KIAA1586: variants seen among roughly 807,000 people sequenced by gnomAD.
KIAA1586 encodes the protein E3 SUMO-protein ligase KIAA1586.
KIAA1586 carries 5 observed loss-of-function variants against 6.1 expected under a neutral mutation model. The observed-to-expected ratio is 0.82, with a 90% CI of 0.43 to 1.73. The LOEUF (loss-of-function observed/expected upper bound fraction) is 1.73, where lower values mean the gene tolerates loss of function less well. KIAA1586 is among the 40% of genes most tolerant of loss of function. KIAA1586 has a pLI of 0.02. For missense variants in KIAA1586, 899 were observed against 878.2 expected (o/e 1.02, Z -0.30); for synonymous variants, 280 against 301.7 (o/e 0.93, Z 0.75).
At chr6:57,063,629 T>C in the KIAA1586 span, among the ~76,000 whole-genome samples, 120 of 151,998 alleles carry the variant, frequency 7.9e-4, 1 homozygote, top group African/African-American at 2.8e-3. Flanking sequence ...AATTTTTGTA[T>C]TTTTAGTTGA....
the KIAA1586 span, among the ~76,000 whole-genome samples, chr6:57,063,895 A>G: frequency 6.6e-6 from 1 of 152,174 alleles, no homozygotes; most frequent in Admixed American, 6.5e-5. Flanking sequence ...TTTTAAAAAA[A>G]ATTGCTTTTT....
At position 57,054,421 on chromosome 6, in the gene KIAA1586, A is replaced by T; in HGVS notation, c.1922A>T (p.Tyr641Phe). 6.2e-7 allele frequency: 1 copy of T among 1,609,962 alleles called. No individual in the cohort carries two copies. Among genetic ancestry groups the T allele is most frequent in the African/African-American group, 1.3e-5 (1 of 74,814 alleles). Residue 641 changes from tyrosine (Y) to phenylalanine (F), a missense_variant, in exon 4 of 4, where the codon TAT becomes TTT. Transcript: ENST00000370733. ...TTGCTGGAACCTTCCACATGGCCTT[A>T]TGAAGAAATAACTTCACCATGGATA... ...FDLLEPSTWP[Y>F]EEITSPWIAG...
At chr6:57,051,874 G>A (rs763317309) in intron 3 of KIAA1586, among the ~76,000 whole-genome samples, 3 of 152,130 alleles carry the variant, frequency 2.0e-5, no homozygotes, top group East Asian at 1.9e-4. Context: ...CTTGGGAGGC[G>A]GAGACATGAG....
chr6:57,062,626 T>C, the KIAA1586 span, among the ~76,000 whole-genome samples: 2 of 152,170 alleles, frequency 1.3e-5, no homozygotes, highest in Non-Finnish European at 2.9e-5. Flanking sequence ...AGTACACAAA[T>C]ATATCCCAGT....
chr6:57,046,870 C>G (rs1336374652), intron 1 of KIAA1586, 94 bp downstream of exon 1: 11 of 1,504,024 alleles, frequency 7.3e-6, no homozygotes, highest in Non-Finnish European at 9.9e-6. Flanking sequence ...CCGTCGCAGC[C>G]TCGGGGCGAT....
In KIAA1586 at chr6:57,053,443, G is replaced by A. The variant is rs1246346503; in HGVS notation, c.944G>A (p.Cys315Tyr). ...ATTATAGAAGAGAATGCCAAAATCT[G>A]TATCATAATTGATGAGGCATCTACA... The part of the protein sequence containing the change: ...KNIIEENAKI[C>Y]IIIDEASTVS... Residue 315 changes from cysteine (C) to tyrosine (Y), a missense_variant, in exon 4 of 4, where the codon TGT becomes TAT. Coordinates refer to ENST00000370733, the MANE Select transcript of KIAA1586 (RefSeq NM_020931.4). 14 of 1,610,742 alleles carry A rather than the reference G, an allele frequency of 8.7e-6. No individual in the cohort carries two copies. The highest frequency in any genetic ancestry group is 1.3e-5 in the African/African-American group (1 of 74,746).
chr6:57,052,772 T>C lies in KIAA1586; in HGVS notation c.273T>C (p.Asn91=), dbSNP rs780981237. 4 of 1,612,276 alleles carry C rather than the reference T, an allele frequency of 2.5e-6. No individual in the cohort carries two copies. The highest frequency in any genetic ancestry group is 3.3e-5 in the Admixed American group (2 of 59,796). ...AGGTGAAAACAGACACAGAAAATAA[T>C]GAAGTGAGCAAAAATCACTGCAGAT... is the stretch of plus-strand genomic sequence containing the variant. ...VKKVKTDTEN[N]EVSKNHCRLS... is the part of the protein sequence containing the mutation. The change falls in exon 4 of 4, where the codon AAT becomes AAC. Residue 91 remains asparagine (N), a synonymous_variant. Coordinates refer to ENST00000370733, the MANE Select transcript of KIAA1586 (RefSeq NM_020931.4).
the KIAA1586 span, among the ~76,000 whole-genome samples, chr6:57,062,042 C>T: frequency 1.3e-5 from 2 of 151,896 alleles, no homozygotes; most frequent in African/African-American, 2.4e-5. Context: ...AGAGATCCTT[C>T]CACCTCAGTC....
Position 57,053,189 on chromosome 6 carries a change from A to C in KIAA1586, c.690A>C (p.Ser230=). 6.2e-7 allele frequency: 1 copy of C among 1,606,260 alleles called. No individual in the cohort carries two copies. Among genetic ancestry groups the C allele is most frequent in the Non-Finnish European group, 8.5e-7 (1 of 1,177,218 alleles). The change falls in exon 4 of 4, where the codon TCA becomes TCC. Residue 230 remains serine (S), a synonymous_variant. Coordinates refer to ENST00000370733, the MANE Select transcript of KIAA1586 (RefSeq NM_020931.4). ...QDLLKESTND[S]ICNLVHKQNN... Reference sequence around the variant, plus strand: ...TGTTAAAGGAATCAACTAATGATTCAATTTGTAATTTAGTGCATAAACAAA... The same window carrying C: ...TGTTAAAGGAATCAACTAATGATTCCATTTGTAATTTAGTGCATAAACAAA...
chr6:57,062,834 T>A, the KIAA1586 span, among the ~76,000 whole-genome samples: 2 of 152,212 alleles, frequency 1.3e-5, no homozygotes, highest in Admixed American at 6.5e-5. Context: ...GCGGATTGCC[T>A]GAGCTCAGGA....
At chr6:57,050,946 T>C (rs989616665) in intron 3 of KIAA1586, 92 bp downstream of exon 3, 5 of 961,910 alleles carry the variant, frequency 5.2e-6, no homozygotes, top group Non-Finnish European at 8.3e-6. Context: ...GAACTAATTG[T>C]TGGCCAGGCA....
chr6:57,057,059 T>G (rs565320955), downstream of KIAA1586, among the ~76,000 whole-genome samples: 1 of 151,820 alleles, frequency 6.6e-6, no homozygotes, highest in African/African-American at 2.4e-5. Flanking sequence ...AAACCCCATC[T>G]CTACTAAAAA....
chr6:57,059,640 A>G (rs746014856), downstream of KIAA1586, among the ~76,000 whole-genome samples: 1 of 151,470 alleles, frequency 6.6e-6, no homozygotes, highest in Non-Finnish European at 1.5e-5. Context: ...TAGTTGTATT[A>G]GACGGCACTA....
At chr6:57,050,883 G>A in intron 3 of KIAA1586, 29 bp downstream of exon 3, 1 of 1,512,948 alleles carries the variant, frequency 6.6e-7, no homozygotes, top group East Asian at 2.3e-5. Context: ...TGTTTGTTCA[G>A]TTTTCTTATT....
At chr6:57,048,125 A>G (rs1828230179) in intron 2 of KIAA1586, among the ~76,000 whole-genome samples, 1 of 150,718 alleles carries the variant, frequency 6.6e-6, no homozygotes, top group Non-Finnish European at 1.5e-5. Context: ...TTTATGATAT[A>G]TTTTGGGGTG....
Position 57,053,185 on chromosome 6 carries a change from A to C in KIAA1586, c.686A>C (p.Asp229Ala), listed in dbSNP as rs753153313. Residue 229 changes from aspartate to alanine, a missense_variant, in exon 4 of 4, where the codon GAT (aspartate) becomes GCT (alanine). Asp to Ala is a moderately radical substitution (Grantham distance 126). Transcript: ENST00000370733. ...IQDLLKESTN[D>A]SICNLVHKQN... ...GATTTGTTAAAGGAATCAACTAATG[A>C]TTCAATTTGTAATTTAGTGCATAAA... The C allele has an allele frequency of 6.2e-7, 1 of 1,607,366 alleles. No homozygotes were observed. Among genetic ancestry groups the C allele is most frequent in the Admixed American group, 1.7e-5 (1 of 58,170 alleles).
At chr6:57,055,592 T>G (rs1211490981), downstream of KIAA1586, among the ~76,000 whole-genome samples, 2 of 152,172 alleles carry the variant, frequency 1.3e-5, no homozygotes, top group Non-Finnish European at 2.9e-5. Context: ...TCTGAATATT[T>G]TATGCAGACA....
At chr6:57,052,553 T>C in intron 3 of KIAA1586, 133 bp from the exon 4 acceptor site, 1 of 619,914 alleles carries the variant, frequency 1.6e-6, no homozygotes, top group Admixed American at 3.7e-5. Flanking sequence ...ATATTATAGA[T>C]ATAAACTGAA....
chr6:57,053,080 G>T lies in KIAA1586; in HGVS notation c.581G>T (p.Ser194Ile), dbSNP rs1828377840. 1 of 1,610,812 alleles carries T rather than the reference G, an allele frequency of 6.2e-7. No homozygotes were observed. The highest frequency in any genetic ancestry group is 8.5e-7 in the Non-Finnish European group (1 of 1,179,020). The change falls in exon 4 of 4, where the codon AGT (serine) becomes ATT (isoleucine). Residue 194 changes from serine (S) to isoleucine (I), a missense_variant. By Grantham distance (142) the Ser-to-Ile change is moderately radical. Coordinates refer to ENST00000370733, the MANE Select transcript of KIAA1586 (RefSeq NM_020931.4). ...GCATATTTAGTAACCCCTAATGGCA[G>T]TAATAAAACTACTAGGCAAGCTTCT... is the stretch of plus-strand genomic sequence containing the variant. ...WIAYLVTPNG[S>I]NKTTRQASLR... is the part of the protein sequence containing the mutation.
Sources: allele counts gnomAD v4.1 joint callset (sites outside exome capture counted in the v4.1 genomes callset), GRCh38; gene constraint gnomAD v4.1.1; transcripts MANE v1.5; gene names NCBI Gene and HGNC (gene_info 2026-07-23, HGNC 2026-07-21).